Variants in ZNF891 observed in about 807,000 individuals in gnomAD.
ZNF891 encodes the protein hCG1646157.
For missense variants in ZNF891, 589 were observed against 632.7 expected (o/e 0.93, Z 0.74); for synonymous variants, 199 against 209.0 (o/e 0.95, Z 0.41).
chr12:133,113,985 T>C lies in ZNF891; in HGVS notation c.*6299A>G, dbSNP rs1184767808. ...TACTCACCTCAGCCTCTCAAAGTGC[T>C]GGGATTACAGATGTGAGCCACCACA... On this transcript the variant is annotated 3_prime_UTR_variant, in exon 2 of 2. Coordinates refer to ENST00000537226, the MANE Select transcript of ZNF891 (RefSeq NM_001277291.2). 6.6e-6 allele frequency: 1 copy of C among 152,122 alleles called. No individual in the cohort carries two copies. Among genetic ancestry groups the C allele is most frequent in the Non-Finnish European group, 1.5e-5 (1 of 68,048 alleles). 9.4% of individuals were successfully genotyped at this position (152,122 alleles called of 1,614,324 possible).
In ZNF891 at chr12:133,114,649, G is replaced by A. The variant is rs191264609; in HGVS notation, c.*5635C>T. ...ACCTTACCAAAACTTACAGTGTAGA[G>A]GGCACAATACACAAACAGGCAATAC... On this transcript the variant is annotated 3_prime_UTR_variant, in exon 2 of 2. Transcript: ENST00000537226. 30 of 152,296 alleles carry A rather than the reference G, an allele frequency of 2.0e-4. No homozygotes were observed. In the East Asian group the frequency reaches 5.6e-3, roughly 28 times the overall value. The allele number at this position is 152,296 out of a possible 1,614,324, so 9.4% of individuals were successfully genotyped here.
rs542782152 is a variant in ZNF891 at position 133,118,586 on chromosome 12, C to T, written c.*1698G>A. ...CCACTCCTTCCATATTTTGTTAGAA[C>T]TAATCTGGTCAGTATCTGCAAGATC... On this transcript the variant is annotated 3_prime_UTR_variant, in exon 2 of 2. Transcript: ENST00000537226. 6.6e-6 allele frequency: 1 copy of T among 152,334 alleles called. No homozygotes were observed. The highest frequency in any genetic ancestry group is 1.9e-4 in the East Asian group (1 of 5,180). 9.4% of individuals were successfully genotyped at this position (152,334 alleles called of 1,614,324 possible).
In ZNF891 at chr12:133,120,460, G is replaced by A. The variant is rs1955744289; in HGVS notation, c.1459C>T (p.Pro487Ser). The A allele has an allele frequency of 1.9e-6, 3 of 1,605,076 alleles. No homozygotes were observed. The highest frequency in any genetic ancestry group is 1.7e-6 in the Non-Finnish European group (2 of 1,176,212). Residue 487 changes from proline to serine, a missense_variant, in exon 2 of 2, where the codon CCC (proline) becomes TCC (serine). Pro to Ser is a moderately conservative substitution (Grantham distance 74). Coordinates refer to ENST00000537226, the MANE Select transcript of ZNF891 (RefSeq NM_001277291.2). ...TTCCTACATTCCTTACATTCATAGG[G>A]TTTCTCTCCAGTGTGAGTTCTTATA... is the stretch of plus-strand genomic sequence containing the variant. ...MHIRTHTGEK[P>S]YECKECRKAF...
rs927667651 is a variant in ZNF891, at chr12:133,108,599, A to ACTAT, written c.*11681_*11684dup. 1.3e-5 allele frequency: 2 copies of ACTAT among 152,210 alleles called. No individual in the cohort carries two copies. Among genetic ancestry groups the ACTAT allele is most frequent in the African/African-American group, 4.8e-5 (2 of 41,426 alleles). 9.4% of individuals were successfully genotyped at this position (152,210 alleles called of 1,614,324 possible). ...ATACAGCCATAAAGGTTAAACATTT[A>ACTAT]CTATCTAGCCCTTTACAGAAAAACT... On this transcript the variant is annotated 3_prime_UTR_variant, in exon 2 of 2. Coordinates refer to ENST00000537226, the MANE Select transcript of ZNF891 (RefSeq NM_001277291.2).
chr12:133,106,554 C>T lies in ZNF891; in HGVS notation c.*13730G>A. ...TGCAACAAATCCTTCAGCTGGAGCT[C>T]AAACCTTGCTAAACATCAGAGGACA... On this transcript the variant is annotated 3_prime_UTR_variant, in exon 2 of 2. Coordinates refer to ENST00000537226, the MANE Select transcript of ZNF891 (RefSeq NM_001277291.2). 1 of 1,613,932 alleles carries T rather than the reference C, an allele frequency of 6.2e-7. No homozygotes were observed. The highest frequency in any genetic ancestry group is 8.5e-7 in the Non-Finnish European group (1 of 1,180,002).
intron 1 of ZNF891, 122 bp from the exon 2 acceptor site, chr12:133,122,146 T>C: frequency 7.8e-7 from 1 of 1,279,856 alleles, no homozygotes; most frequent in African/African-American, 1.5e-5. Flanking sequence ...CTAACCAGCT[T>C]AAAATCTTTA....
Position 133,105,937 on chromosome 12 carries a change from G to A in ZNF891, c.*14347C>T. On this transcript the variant is annotated 3_prime_UTR_variant, in exon 2 of 2. Coordinates refer to ENST00000537226, the MANE Select transcript of ZNF891 (RefSeq NM_001277291.2). ...CTGGAAAGAAACCCCATGAGTGTAA[G>A]GACTGTAATAAAACATTCAGTTACC... 6.2e-7 allele frequency: 1 copy of A among 1,614,096 alleles called. No individual in the cohort carries two copies. The highest frequency in any genetic ancestry group is 1.1e-5 in the South Asian group (1 of 91,072).
In ZNF891 at chr12:133,111,860, TAAA is replaced by T. The variant is rs1168744921; in HGVS notation, c.*8421_*8423del. 1 of 152,004 alleles carries T rather than the reference TAAA, an allele frequency of 6.6e-6. No homozygotes were observed. Among genetic ancestry groups the T allele is most frequent in the Non-Finnish European group, 1.5e-5 (1 of 67,982 alleles). The allele number at this position is 152,004 out of a possible 1,614,324, so 9.4% of individuals were successfully genotyped here. A position where few individuals can be genotyped will look rare whatever the true frequency, so the allele number is the denominator to read the frequency against. ...AAATTAAAAAATAAAGAAAAATAAA[TAAA>T]AAAGTGAATGCTAAGGAAATTAGTT... On this transcript the variant is annotated 3_prime_UTR_variant, in exon 2 of 2. Transcript: ENST00000537226.
Position 133,120,939 on chromosome 12 carries a change from T to A in ZNF891, c.980A>T (p.Lys327Ile). ...AAGATTAGAAATCCTTTTGAAGGCT[T>A]TTCCACATTGATTGCATTCATGTTT... The part of the protein sequence containing the change: ...EKKHECNQCG[K>I]AFKRISNLTL... Residue 327 changes from lysine to isoleucine, a missense_variant, in exon 2 of 2, where the codon AAA becomes ATA. Physicochemically the swap from Lys to Ile is moderately radical, Grantham distance 102. Transcript: ENST00000537226. The A allele has an allele frequency of 6.5e-7, 1 of 1,536,348 alleles. No homozygotes were observed. The highest frequency in any genetic ancestry group is 8.7e-7 in the Non-Finnish European group (1 of 1,146,862).
chr12:133,106,360 ATG>A lies in ZNF891; in HGVS notation c.*13922_*13923del. 6.2e-7 allele frequency: 1 copy of A among 1,614,196 alleles called. No individual in the cohort carries two copies. Among genetic ancestry groups the A allele is most frequent in the Non-Finnish European group, 8.5e-7 (1 of 1,180,034 alleles). Reference sequence around the variant, plus strand: ...GAGAAAAGCTCTATGAATGTGATGAATGTGGTAAAGTTTTCACTTGGCATGCA... The same window carrying A: ...GAGAAAAGCTCTATGAATGTGATGAATGGTAAAGTTTTCACTTGGCATGCA... On this transcript the variant is annotated 3_prime_UTR_variant, in exon 2 of 2. Transcript: ENST00000537226.
intron 1 of ZNF891, among the ~76,000 whole-genome samples, chr12:133,129,626 A>G (rs73162463): frequency 0.19 from 29,106 of 152,022 alleles, 3,567 homozygotes; most frequent in Non-Finnish European, 0.27. Flanking sequence ...GTTTTACAGA[A>G]TAGAAGAGAG....
rs373716717 is a variant in ZNF891, at chr12:133,123,043, A to C, written c.-106-1019T>G. ...AAATCACAAAACAATTTATTATACT[A>C]ATATTTTTAAAGTTCTCACTTTTGG... On this transcript the variant is annotated intron_variant, in intron 1 of 1. Coordinates refer to ENST00000537226, the MANE Select transcript of ZNF891 (RefSeq NM_001277291.2). 9.9e-5 allele frequency among the ~76,000 whole-genome samples: 15 copies of C among 152,246 alleles called. No individual in the cohort carries two copies. The East Asian group carries it at 1.2e-3, about 12-fold the overall frequency.
rs1342896644 is a variant in ZNF891, at chr12:133,123,259, G to T, written c.-106-1235C>A. Among the ~76,000 whole-genome samples the T allele has an allele frequency of 2.6e-5, 4 of 152,282 alleles. No individual in the cohort carries two copies. In the East Asian group the frequency reaches 7.7e-4, roughly 29 times the overall value. On this transcript the variant is annotated intron_variant, in intron 1 of 1. Coordinates refer to ENST00000537226, the MANE Select transcript of ZNF891 (RefSeq NM_001277291.2). ...CTTTAGGGAAACTCATTTAGAAATA[G>T]ATTTTGTCTGATTTGTTTACTGCTA...
chr12:133,124,916 A>C lies in ZNF891; in HGVS notation c.-106-2892T>G, dbSNP rs183872515. 2.0e-5 allele frequency among the ~76,000 whole-genome samples: 3 copies of C among 151,690 alleles called. No homozygotes were observed. In the East Asian group the frequency reaches 5.9e-4, roughly 30 times the overall value. On this transcript the variant is annotated intron_variant, in intron 1 of 1. Coordinates refer to ENST00000537226, the MANE Select transcript of ZNF891 (RefSeq NM_001277291.2). ...AGAAAGCAGAGGGGTGTAGGAGTAA[A>C]ACAAAAGCAAAGAAGGAATTCAGAG... is the stretch of plus-strand genomic sequence containing the variant.
chr12:133,120,648 C>A lies in ZNF891; in HGVS notation c.1271G>T (p.Arg424Ile). ...ATAGAGTTTTTCTCCAGTGTGTATT[C>A]TCTTGTGCACTATAAGGTAAGAGCT... is the stretch of plus-strand genomic sequence containing the variant. Reference protein sequence around the residue: ...GTSSYLIVHKRIHTGEKLYEC... With the variant: ...GTSSYLIVHKIIHTGEKLYEC... The change falls in exon 2 of 2, where the codon AGA (arginine) becomes ATA (isoleucine). Residue 424 changes from arginine to isoleucine, a missense_variant. Coordinates refer to ENST00000537226, the MANE Select transcript of ZNF891 (RefSeq NM_001277291.2). The A allele has an allele frequency of 1.3e-6, 2 of 1,558,616 alleles. No homozygotes were observed. Among genetic ancestry groups the A allele is most frequent in the East Asian group, 4.8e-5 (2 of 41,540 alleles).
rs1164994209 is a variant in ZNF891 at position 133,112,797 on chromosome 12, A to G, written c.*7487T>C. On this transcript the variant is annotated 3_prime_UTR_variant, in exon 2 of 2. Transcript: ENST00000537226. ...GGAGATAGAAATGGTAAGTTAAAAAATATATTTTCCCCAGCACTTTGGGAG... is the reference window on the plus strand; with the variant it reads ...GGAGATAGAAATGGTAAGTTAAAAAGTATATTTTCCCCAGCACTTTGGGAG... The G allele has an allele frequency of 6.6e-6, 1 of 152,242 alleles. No homozygotes were observed. The allele number at this position is 152,242 out of a possible 1,614,324, so 9.4% of individuals were successfully genotyped here. A position where few individuals can be genotyped will look rare whatever the true frequency, so the allele number is the denominator to read the frequency against.
Position 133,105,781 on chromosome 12 carries a change from A to G in ZNF891, c.*14503T>C, listed in dbSNP as rs1238435770. 5 of 1,614,152 alleles carry G rather than the reference A, an allele frequency of 3.1e-6. No homozygotes were observed. The highest frequency in any genetic ancestry group is 3.3e-5 in the Admixed American group (2 of 60,032). On this transcript the variant is annotated 3_prime_UTR_variant, in exon 2 of 2. Coordinates refer to ENST00000537226, the MANE Select transcript of ZNF891 (RefSeq NM_001277291.2). Reference sequence around the variant, plus strand: ...CCTATGGATGCCATGAATGTGGAAAAACTTTTGGTCGACGCTTTTCCCTGG... The same window carrying G: ...CCTATGGATGCCATGAATGTGGAAAGACTTTTGGTCGACGCTTTTCCCTGG...
chr12:133,106,440 C>T lies in ZNF891; in HGVS notation c.*13844G>A, dbSNP rs1273379953. The T allele has an allele frequency of 1.2e-6, 2 of 1,613,950 alleles. No homozygotes were observed. The highest frequency in any genetic ancestry group is 1.6e-4 in the Middle Eastern group (1 of 6,062). ...ACTGGAGAGAAACCCTATGCGTGTG[C>T]TGAATGTGATAAAGCCTTCAGCCGG... is the stretch of plus-strand genomic sequence containing the variant. On this transcript the variant is annotated 3_prime_UTR_variant, in exon 2 of 2. Coordinates refer to ENST00000537226, the MANE Select transcript of ZNF891 (RefSeq NM_001277291.2).
chr12:133,105,499 G>GT lies in ZNF891; in HGVS notation c.*14784dup. Reference sequence around the variant, plus strand: ...AAAAGAAACATTCACTTTTTTTTTGGTATCTTTCAGTTTCAGAGTCAAGTG... The same window carrying GT: ...AAAAGAAACATTCACTTTTTTTTTGGTTATCTTTCAGTTTCAGAGTCAAGTG... On this transcript the variant is annotated 3_prime_UTR_variant, in exon 2 of 2. Transcript: ENST00000537226. 3 of 1,557,806 alleles carry GT rather than the reference G, an allele frequency of 1.9e-6. No individual in the cohort carries two copies. The highest frequency in any genetic ancestry group is 2.6e-6 in the Non-Finnish European group (3 of 1,156,620).
Sources: allele counts gnomAD v4.1 joint callset (sites outside exome capture counted in the v4.1 genomes callset), GRCh38; gene constraint gnomAD v4.1.1; transcripts MANE v1.5; gene names NCBI Gene and HGNC (gene_info 2026-07-23, HGNC 2026-07-21).